APP: variants seen among roughly 807,000 people sequenced by gnomAD.
APP encodes amyloid-beta precursor protein.
Under a neutral mutation model 101.4 loss-of-function variants are expected in APP, and 31 were observed. That is an observed-to-expected ratio of 0.31 (90% CI 0.23 to 0.41). APP has a LOEUF of 0.41. Among genes scored for constraint, APP ranks in the 10% least tolerant of loss-of-function variants. APP has a pLI of 1.00. For missense variants in APP, 839 were observed against 1,003.7 expected, an observed-to-expected ratio of 0.84 and a Z score of 2.22; for synonymous variants, 366 against 364.4, an observed-to-expected ratio of 1.00 and a Z score of -0.05.
At chr21:26,042,994 G>A (rs2045445030) in intron 5 of APP, among the ~76,000 whole-genome samples, 1 of 152,028 alleles carries the variant, frequency 6.6e-6, no homozygotes, top group Admixed American at 6.6e-5. Flanking sequence ...TTACACTGGA[G>A]GAAAAAGGTG....
At chr21:26,156,097 G>T (rs534619056) in intron 1 of APP, among the ~76,000 whole-genome samples, 2 of 151,672 alleles carry the variant, frequency 1.3e-5, no homozygotes, top group South Asian at 2.1e-4. Context: ...AAGTGGATGT[G>T]CCTTTATGCA....
chr21:25,890,820 C>T (rs1428809639), intron 17 of APP, among the ~76,000 whole-genome samples: 1 of 151,824 alleles, frequency 6.6e-6, no homozygotes, highest in African/African-American at 2.4e-5. Flanking sequence ...GCCTCAGTTC[C>T]CTCATCTACA....
chr21:25,970,386 G>A (rs1267457546), intron 11 of APP, among the ~76,000 whole-genome samples: 1 of 152,100 alleles, frequency 6.6e-6, no homozygotes, highest in East Asian at 1.9e-4. Flanking sequence ...ATTTAGCAAA[G>A]ATCTTACTTT....
rs966448312 is a variant in APP at position 26,155,689 on chromosome 21, T to C, written c.57+14875A>G. On this transcript the variant is annotated intron_variant, in intron 1 of 17. Coordinates refer to ENST00000346798, the MANE Select transcript of APP (RefSeq NM_000484.4). The stretch of plus-strand genomic sequence containing the variant: ...AACAATAAATCAACAGCAAATATCA[T>C]TGGGTCTAAAAATAATTGATATCTG... Among the ~76,000 whole-genome samples the C allele has an allele frequency of 2.6e-5, 4 of 152,122 alleles. No homozygotes were observed. In the South Asian group the frequency reaches 6.2e-4, roughly 24 times the overall value.
chr21:26,170,670 C>T lies in APP; in HGVS notation c.-50G>A. 6.6e-7 allele frequency: 1 copy of T among 1,509,704 alleles called. No individual in the cohort carries two copies. The highest frequency in any genetic ancestry group is 1.2e-5 in the South Asian group (1 of 81,266). 93.5% of individuals were successfully genotyped at this position (1,509,704 alleles called of 1,614,324 possible). On this transcript the variant is annotated 5_prime_UTR_variant, in exon 1 of 18. Coordinates refer to ENST00000346798, the MANE Select transcript of APP (RefSeq NM_000484.4). ...TGCGCTGCTGTGCGAGTGGGATCCG[C>T]CGCGTCCTTGCTCTGCCCGCGCCGC...
chr21:25,890,857 A>G (rs1249842777), intron 17 of APP, among the ~76,000 whole-genome samples: 3 of 152,144 alleles, frequency 2.0e-5, no homozygotes. Flanking sequence ...TTGATTGGTC[A>G]TCATCAATAA....
At chr21:25,925,517 C>T (rs185382534) in intron 13 of APP, among the ~76,000 whole-genome samples, 1 of 152,274 alleles carries the variant, frequency 6.6e-6, no homozygotes, top group East Asian at 1.9e-4. Flanking sequence ...TTAATGTGAT[C>T]CCCAGGTGAC....
Position 26,062,661 on chromosome 21 carries a change from C to CAAATAAATAAATAAATAAATAAAT in APP, c.356-9337_356-9314dup, listed in dbSNP as rs10529214. Among the ~76,000 whole-genome samples the CAAATAAATAAATAAATAAATAAAT allele has an allele frequency of 1.5e-3, 217 of 145,366 alleles. 1 individual carries two copies. Among genetic ancestry groups the CAAATAAATAAATAAATAAATAAAT allele is most frequent in the African/African-American group, 3.6e-3 (144 of 39,458 alleles). ...TGGGTGACAGAGGGAGACTCTGTCT[C>CAAATAAATAAATAAATAAATAAAT]AAATAAATAAATAAATAAATAAATA... On this transcript the variant is annotated intron_variant, in intron 3 of 17. Transcript: ENST00000346798.
chr21:26,010,656 A>C (rs901815212), intron 6 of APP, among the ~76,000 whole-genome samples: 13 of 136,504 alleles, frequency 9.5e-5, no homozygotes, highest in African/African-American at 3.7e-4. Flanking sequence ...CTAAAACTAC[A>C]AAAAAAAAAA....
At chr21:25,898,794 T>G (rs1316135000) in intron 15 of APP, among the ~76,000 whole-genome samples, 1 of 152,210 alleles carries the variant, frequency 6.6e-6, no homozygotes, top group Non-Finnish European at 1.5e-5. Flanking sequence ...GTTCTTGTCT[T>G]ACTTGGGCTA....
At chr21:26,047,911 T>A (rs1346763757) in intron 5 of APP, among the ~76,000 whole-genome samples, 1 of 152,250 alleles carries the variant, frequency 6.6e-6, no homozygotes, top group African/African-American at 2.4e-5. Context: ...ACTATCTTAT[T>A]AAATTTTTCA....
intron 9 of APP, among the ~76,000 whole-genome samples, chr21:25,978,089 T>C (rs1451214875): frequency 3.9e-5 from 6 of 152,226 alleles, no homozygotes; most frequent in Non-Finnish European, 7.3e-5. Context: ...AACTGGACTT[T>C]AAGCTTTAAG....
Position 25,991,523 on chromosome 21 carries a change from G to A in APP, c.1090+5837C>T, listed in dbSNP as rs191712327. ...CTCCTGAGTAGGTGGGATTACAGGC[G>A]CCCATCACCACGCCCAGCTAGTTTT... On this transcript the variant is annotated intron_variant, in intron 8 of 17. Transcript: ENST00000346798. 1.3e-4 allele frequency among the ~76,000 whole-genome samples: 20 copies of A among 152,162 alleles called. No individual in the cohort carries two copies. In the East Asian group the frequency reaches 1.4e-3, roughly 10 times the overall value.
intron 8 of APP, among the ~76,000 whole-genome samples, chr21:25,988,237 T>C (rs951171201): frequency 6.6e-6 from 1 of 151,720 alleles, no homozygotes; most frequent in Non-Finnish European, 1.5e-5. Flanking sequence ...AGAGAGGAAG[T>C]AGTGGGAGAG....
rs568727945 is a variant in APP, at chr21:25,973,106, G to A, written c.1458+1964C>T. On this transcript the variant is annotated intron_variant, in intron 11 of 17. Transcript: ENST00000346798. ...AAACCAGTAAAATAACAAACTAGTT[G>A]TAACTTACAAACCAACAAAAGAGAT... is the stretch of plus-strand genomic sequence containing the variant. 5.3e-5 allele frequency among the ~76,000 whole-genome samples: 8 copies of A among 151,582 alleles called. No individual in the cohort carries two copies. In the South Asian group the frequency reaches 1.5e-3, roughly 28 times the overall value.
intron 7 of APP, among the ~76,000 whole-genome samples, chr21:25,998,450 C>A (rs2043142497): frequency 6.6e-6 from 1 of 151,042 alleles, no homozygotes; most frequent in Non-Finnish European, 1.5e-5. Context: ...ACACATGGGA[C>A]TGAAGCAGTC....
At chr21:26,102,082 G>GGT (rs1555875756) in intron 2 of APP, among the ~76,000 whole-genome samples, 16 of 101,158 alleles carry the variant, frequency 1.6e-4, no homozygotes, top group African/African-American at 5.9e-4. Flanking sequence ...AAACTATGTG[G>GGT]TTTTTTTTTT....
Position 26,092,550 on chromosome 21 carries a change from C to T in APP, c.226-2478G>A, listed in dbSNP as rs1177464934. 2.6e-5 allele frequency among the ~76,000 whole-genome samples: 4 copies of T among 152,210 alleles called. No individual in the cohort carries two copies. In the East Asian group the frequency reaches 7.7e-4, roughly 29 times the overall value. ...GCAGGGGGAGGATGAACAGATAGAG[C>T]ACAGAAGATTTTTAGGGCAGTGAAA... On this transcript the variant is annotated intron_variant, in intron 2 of 17. Transcript: ENST00000346798.
chr21:25,892,962 C>A (rs77527103), intron 16 of APP, among the ~76,000 whole-genome samples: 891 of 45,428 alleles, frequency 0.02, 6 homozygotes, highest in African/African-American at 0.076. Flanking sequence ...AAAAAAAAAA[C>A]AAAAAGGTTT....
Sources: allele counts gnomAD v4.1 joint callset (sites outside exome capture counted in the v4.1 genomes callset), GRCh38; gene constraint gnomAD v4.1.1; transcripts MANE v1.5; gene names NCBI Gene and HGNC (gene_info 2026-07-23, HGNC 2026-07-21).